Variants in COL9A1 observed in about 807,000 individuals in gnomAD.
COL9A1 encodes collagen type IX alpha 1 chain.
In COL9A1, 104 loss-of-function variants were observed where a neutral mutation model predicts 142.6. The ratio of observed to expected loss-of-function variants is 0.73; its 90% CI spans 0.62 to 0.86. The LOEUF (loss-of-function observed/expected upper bound fraction) is 0.86. Ranked by LOEUF, COL9A1 falls within the 40% of genes least tolerant of loss-of-function variation. The probability of loss-of-function intolerance (pLI) is 0.00; values close to 1 mark genes in which losing one functional copy is unlikely to be tolerated. For synonymous variants in COL9A1, 466 were observed against 396.0 expected, an observed-to-expected ratio of 1.18 and a Z score of -2.10; for missense variants, 1,210 against 1,176.6, an observed-to-expected ratio of 1.03 and a Z score of -0.42.
chr6:70,243,973 T>C (rs1231894611), intron 28 of COL9A1, among the ~76,000 whole-genome samples: 1 of 152,230 alleles, frequency 6.6e-6, no homozygotes, highest in African/African-American at 2.4e-5. Context: ...AGCTCCATAT[T>C]AATGTTTAAT....
Position 70,283,820 on chromosome 6 carries a change from A to G in COL9A1, c.697T>C (p.Phe233Leu), listed in dbSNP as rs1351504439. The part of the protein sequence containing the change: ...LADNPQVSVP[F>L]ELQWMLIHCD... ...TGGATCAGCATCCATTGAAGTTCAAACTGGAGAAAGGTAGTAGACAGTCAG... is the reference window on the plus strand; with the variant it reads ...TGGATCAGCATCCATTGAAGTTCAAGCTGGAGAAAGGTAGTAGACAGTCAG... The change falls in exon 6 of 38, where the codon TTT becomes CTT. Residue 233 changes from phenylalanine to leucine, a missense_variant and splice_region_variant. Physicochemically the swap from Phe to Leu is conservative, Grantham distance 22. Transcript: ENST00000357250. 8 of 1,603,658 alleles carry G rather than the reference A, an allele frequency of 5.0e-6. No individual in the cohort carries two copies. The highest frequency in any genetic ancestry group is 6.8e-6 in the Non-Finnish European group (8 of 1,174,456).
At chr6:70,238,494 T>C (rs947543884) in intron 33 of COL9A1, among the ~76,000 whole-genome samples, 5 of 152,368 alleles carry the variant, frequency 3.3e-5, no homozygotes, top group African/African-American at 1.2e-4. Flanking sequence ...TTATATTTTC[T>C]TATGCATTAT....
rs1007288242 is a variant in COL9A1, at chr6:70,280,491, C to G, written c.975+321G>C. 9.8e-6 allele frequency: 13 copies of G among 1,324,902 alleles called. No homozygotes were observed. The Admixed American group carries it at 1.3e-4, about 14-fold the overall frequency. The allele number at this position is 1,324,902 out of a possible 1,614,324, so 82.1% of individuals were successfully genotyped here. On this transcript the variant is annotated intron_variant, in intron 10 of 37. Coordinates refer to ENST00000357250, the MANE Select transcript of COL9A1 (RefSeq NM_001851.6). ...GTACAATCTATTGCCATCCGTACCC[C>G]CTCTGGCCCCAGTGGGGCTGAGAGT...
intron 31 of COL9A1, 151 bp from the exon 32 acceptor site, chr6:70,240,884 C>T: frequency 1.4e-6 from 1 of 734,038 alleles, no homozygotes; most frequent in Middle Eastern, 2.5e-4. Flanking sequence ...TCCAATCTAG[C>T]TGTCAGTGGT....
At position 70,216,885 on chromosome 6, in the gene COL9A1, G is replaced by A. The variant is rs778177942; in HGVS notation, c.*12C>T. Reference sequence around the variant, plus strand: ...CGTGGTTCATGCAGACAGCCATGCAGCAGTAAGCCTTTCAAGGGTCAGGCC... The same window carrying A: ...CGTGGTTCATGCAGACAGCCATGCAACAGTAAGCCTTTCAAGGGTCAGGCC... On this transcript the variant is annotated 3_prime_UTR_variant, in exon 38 of 38. Coordinates refer to ENST00000357250, the MANE Select transcript of COL9A1 (RefSeq NM_001851.6). 1.9e-5 allele frequency: 30 copies of A among 1,613,636 alleles called. No homozygotes were observed. The highest frequency in any genetic ancestry group is 2.2e-5 in the Non-Finnish European group (26 of 1,179,944).
intron 5 of COL9A1, among the ~76,000 whole-genome samples, chr6:70,292,835 A>G (rs570643540): frequency 1.4e-4 from 21 of 152,268 alleles, no homozygotes; most frequent in Admixed American, 1.3e-3. Context: ...GCTGCACAGA[A>G]TTTCAAGATG....
Position 70,252,165 on chromosome 6 carries a change from C to G in COL9A1, c.1827G>C (p.Gln609His), listed in dbSNP as rs1405177767. 2 of 1,614,020 alleles carry G rather than the reference C, an allele frequency of 1.2e-6. No individual in the cohort carries two copies. The highest frequency in any genetic ancestry group is 2.7e-5 in the African/African-American group (2 of 74,922). Residue 609 changes from glutamine (Q) to histidine (H), a missense_variant, in exon 28 of 38, where the codon CAG becomes CAC. Physicochemically the swap from Gln to His is conservative, Grantham distance 24. Coordinates refer to ENST00000357250, the MANE Select transcript of COL9A1 (RefSeq NM_001851.6). ...GGGGTCCCACCTCTCCTGGAGGCCC[C>G]TGTTGGCCCTGTTATCAGGAAGGAA... ...QMGNSGKPGQ[Q>H]GPPGEVGPRG...
intron 19 of COL9A1, 82 bp from the exon 20 acceptor site, chr6:70,260,792 C>T (rs1026480904): frequency 5.3e-6 from 7 of 1,313,412 alleles, no homozygotes; most frequent in Middle Eastern, 1.8e-4. Context: ...CTGATCTAGA[C>T]AATGGATATT....
At chr6:70,272,375 CAGG>C (rs959418809) in intron 12 of COL9A1, among the ~76,000 whole-genome samples, 11 of 152,148 alleles carry the variant, frequency 7.2e-5, no homozygotes, top group African/African-American at 2.7e-4. Context: ...TGCTTGCCCT[CAGG>C]AGAACTTACC....
chr6:70,271,947 G>T, intron 13 of COL9A1, 118 bp downstream of exon 13: 1 of 1,070,602 alleles, frequency 9.3e-7, no homozygotes. Flanking sequence ...CTAAGATCTT[G>T]CAGGTAGAAC....
chr6:70,255,989 A>G (rs1364683720), intron 21 of COL9A1, among the ~76,000 whole-genome samples: 1 of 152,156 alleles, frequency 6.6e-6, no homozygotes, highest in East Asian at 1.9e-4. Context: ...TCCATTATGT[A>G]TCTCTACCTT....
intron 28 of COL9A1, among the ~76,000 whole-genome samples, chr6:70,251,399 T>C (rs1770933430): frequency 6.6e-6 from 1 of 151,936 alleles, no homozygotes; most frequent in Non-Finnish European, 1.5e-5. Context: ...AATTAAAAGT[T>C]AGCCAGGTGT....
At chr6:70,271,806 G>A in intron 13 of COL9A1, 98 bp from the exon 14 acceptor site, 1 of 1,262,236 alleles carries the variant, frequency 7.9e-7, no homozygotes, top group Non-Finnish European at 1.1e-6. Context: ...TTACATTTCT[G>A]TATTAGCTTT....
rs1450553910 is a variant in COL9A1, at chr6:70,259,788, TCCCCTTGGAATCTC to T, written c.1449+855_1449+868del. Among the ~76,000 whole-genome samples, 4 of 152,114 alleles carry T rather than the reference TCCCCTTGGAATCTC, an allele frequency of 2.6e-5. No individual in the cohort carries two copies. In the East Asian group the frequency reaches 7.7e-4, roughly 29 times the overall value. ...ATAACTGACTTGATAAAGGTCTTAT[TCCCCTTGGAATCTC>T]CCCAGCAGCCTGCGGAGTGCCTTGG... On this transcript the variant is annotated intron_variant, in intron 20 of 37. Transcript: ENST00000357250.
chr6:70,251,371 C>A (rs1264067143), intron 28 of COL9A1, among the ~76,000 whole-genome samples: 2 of 151,844 alleles, frequency 1.3e-5, no homozygotes, highest in Non-Finnish European at 2.9e-5. Flanking sequence ...ATAGCAAGAC[C>A]CCATCTCTAC....
chr6:70,256,915 A>G, intron 20 of COL9A1, 94 bp from the exon 21 acceptor site: 1 of 1,209,712 alleles, frequency 8.3e-7, no homozygotes, highest in Non-Finnish European at 1.2e-6. Flanking sequence ...TAGCCAGATG[A>G]AAAGGAGGTT....
chr6:70,277,119 A>G (rs1297976061), intron 10 of COL9A1, among the ~76,000 whole-genome samples: 2 of 152,182 alleles, frequency 1.3e-5, no homozygotes, highest in African/African-American at 2.4e-5. Flanking sequence ...AAAAATTATC[A>G]CAGTTTAGCT....
In COL9A1 at chr6:70,274,037, A is replaced by G; in HGVS notation, c.1065+10T>C. On this transcript the variant is annotated intron_variant, in intron 12 of 37. Transcript: ENST00000357250. The stretch of plus-strand genomic sequence containing the variant: ...GAAATTTTCAATTCTGTAGCTTTAC[A>G]TTTACTTACTGGAAATCCACGCGAT... The G allele has an allele frequency of 6.5e-7, 1 of 1,543,006 alleles. No individual in the cohort carries two copies. The highest frequency in any genetic ancestry group is 8.8e-7 in the Non-Finnish European group (1 of 1,140,518).
intron 33 of COL9A1, among the ~76,000 whole-genome samples, chr6:70,238,668 T>C (rs776261180): frequency 1.8e-4 from 28 of 152,184 alleles, no homozygotes; most frequent in Non-Finnish European, 3.8e-4. Context: ...ATTAGAGTAT[T>C]ACCATGTAAC....
Sources: gnomAD v4.1 joint callset for allele counts (sites outside exome capture counted in the v4.1 genomes callset) on GRCh38, gnomAD v4.1.1 for gene constraint, MANE v1.5 for transcripts, NCBI Gene and HGNC (gene_info 2026-07-23, HGNC 2026-07-21) for gene names.